The following TRHDE variants were observed in gnomAD, a reference collection of about 807,000 sequenced individuals.
TRHDE encodes thyrotropin-releasing hormone-degrading ectoenzyme.
TRHDE carries 72 observed loss-of-function variants against 125.7 expected under a neutral mutation model. The ratio of observed to expected loss-of-function variants is 0.57; its 90% CI spans 0.47 to 0.70. TRHDE has a LOEUF of 0.70. Among genes scored for constraint, TRHDE ranks in the 30% least tolerant of loss-of-function variants. The pLI is 0.00. For missense variants in TRHDE, 1,110 were observed against 1,327.1 expected (o/e 0.84, Z 2.54); for synonymous variants, 509 against 509.1 (o/e 1.00, Z 0.00).
intron 2 of TRHDE, among the ~76,000 whole-genome samples, chr12:72,328,090 A>G (rs1301607788): frequency 2.0e-5 from 3 of 152,226 alleles, no homozygotes; most frequent in Non-Finnish European, 4.4e-5. Flanking sequence ...GGTTTAAACC[A>G]TGTCAGGTCA....
At chr12:72,323,693 C>G (rs1490952912) in intron 2 of TRHDE, among the ~76,000 whole-genome samples, 2 of 152,102 alleles carry the variant, frequency 1.3e-5, no homozygotes, top group Non-Finnish European at 2.9e-5. Context: ...ATCCAATTTC[C>G]TCTTAGCAAA....
intron 3 of TRHDE, among the ~76,000 whole-genome samples, chr12:72,422,447 T>C (rs951767938): frequency 2.6e-5 from 4 of 152,226 alleles, no homozygotes; most frequent in Non-Finnish European, 5.9e-5. Context: ...TAACAATCTA[T>C]CTTTTCAATT....
chr12:72,129,414 G>A (rs1384447102), intron 2 of TRHDE, among the ~76,000 whole-genome samples: 1 of 152,168 alleles, frequency 6.6e-6, no homozygotes, highest in Non-Finnish European at 1.5e-5. Context: ...CATTCTCATA[G>A]TGATGAATGC....
At chr12:72,410,442 T>C (rs1196168167) in intron 3 of TRHDE, among the ~76,000 whole-genome samples, 10 of 152,120 alleles carry the variant, frequency 6.6e-5, no homozygotes, top group African/African-American at 2.2e-4. Flanking sequence ...ACAGCCATTA[T>C]AAAAGGTAAA....
At chr12:72,503,079 G>A (rs1162230439) in intron 6 of TRHDE, among the ~76,000 whole-genome samples, 1 of 152,096 alleles carries the variant, frequency 6.6e-6, no homozygotes, top group Non-Finnish European at 1.5e-5. Context: ...GGGTTTTGTA[G>A]GTTAAACCAC....
At chr12:72,426,454 T>A (rs1874187325) in intron 3 of TRHDE, among the ~76,000 whole-genome samples, 1 of 152,126 alleles carries the variant, frequency 6.6e-6, no homozygotes, top group Admixed American at 6.6e-5. Flanking sequence ...TAATAAATAC[T>A]TCACATTGTG....
chr12:72,479,302 C>A (rs1660777599), intron 5 of TRHDE, among the ~76,000 whole-genome samples: 1 of 151,998 alleles, frequency 6.6e-6, no homozygotes, highest in African/African-American at 2.4e-5. Flanking sequence ...AAAATCAAGA[C>A]TTTGGATTCA....
chr12:72,490,843 A>T (rs1484345278), intron 5 of TRHDE, among the ~76,000 whole-genome samples: 1 of 151,636 alleles, frequency 6.6e-6, no homozygotes, highest in East Asian at 1.9e-4. Context: ...AAAAATGGGA[A>T]GATGTAGTTA....
intron 7 of TRHDE, among the ~76,000 whole-genome samples, chr12:72,561,329 TA>T (rs1870166468): frequency 6.6e-6 from 1 of 152,198 alleles, no homozygotes; most frequent in African/African-American, 2.4e-5. Context: ...GTCTACTATA[TA>T]TATGTTGCAG....
chr12:72,549,916 C>T (rs576243093), intron 7 of TRHDE, among the ~76,000 whole-genome samples: 2 of 150,480 alleles, frequency 1.3e-5, no homozygotes, highest in Admixed American at 6.6e-5. Flanking sequence ...GGTTGTTAAC[C>T]GACCAATGTG....
At chr12:72,656,662 A>G (rs1362264909) in intron 17 of TRHDE, among the ~76,000 whole-genome samples, 2 of 152,058 alleles carry the variant, frequency 1.3e-5, no homozygotes, top group Non-Finnish European at 2.9e-5. Context: ...CCAGTTTTAG[A>G]GGGCCCCTTT....
intron 2 of TRHDE, among the ~76,000 whole-genome samples, chr12:72,298,109 G>A (rs970772441): frequency 1.3e-5 from 2 of 152,162 alleles, no homozygotes; most frequent in South Asian, 2.1e-4. Flanking sequence ...AGGTTTAAGA[G>A]TCTACATATT....
chr12:72,330,284 C>T lies in TRHDE; in HGVS notation c.1188+43330C>T, dbSNP rs1869528511. ...AAACAAAAGCAACTCTCCCCACCTC[C>T]CTACCCCCCACCTCCCAATTCTTAA... On this transcript the variant is annotated intron_variant, in intron 2 of 18. Transcript: ENST00000261180. Among the ~76,000 whole-genome samples the T allele has an allele frequency of 2.0e-5, 3 of 151,830 alleles. No homozygotes were observed. The South Asian group carries it at 6.2e-4, about 32-fold the overall frequency.
intron 3 of TRHDE, among the ~76,000 whole-genome samples, chr12:72,406,770 A>G (rs1304242602): frequency 2.6e-5 from 4 of 152,236 alleles, no homozygotes; most frequent in Admixed American, 2.0e-4. Flanking sequence ...TTTTAAAAAT[A>G]GTAAATAGTT....
chr12:72,237,305 T>A (rs1476375568), intron 2 of TRHDE, among the ~76,000 whole-genome samples: 1 of 152,194 alleles, frequency 6.6e-6, no homozygotes, highest in Non-Finnish European at 1.5e-5. Flanking sequence ...AATATTTTGG[T>A]AATATGTTTT....
intron 18 of TRHDE, among the ~76,000 whole-genome samples, 183 bp from the exon 19 acceptor site, chr12:72,662,869 G>A (rs1256498347): frequency 6.7e-6 from 1 of 149,526 alleles, no homozygotes; most frequent in South Asian, 2.1e-4. Context: ...GACATAATCT[G>A]TCATATTTCA....
intron 2 of TRHDE, among the ~76,000 whole-genome samples, chr12:72,342,403 A>G (rs1870123705): frequency 6.6e-6 from 1 of 152,108 alleles, no homozygotes; most frequent in Admixed American, 6.6e-5. Context: ...ATGGGTTTTC[A>G]AGAAGAGGGA....
chr12:72,648,222 C>A (rs1163709438), intron 15 of TRHDE, among the ~76,000 whole-genome samples: 3 of 151,862 alleles, frequency 2.0e-5, no homozygotes, highest in Non-Finnish European at 4.4e-5. Flanking sequence ...AAATTCTCAA[C>A]AAATAAGGAA....
chr12:72,151,513 G>GT (rs1222239468), intron 2 of TRHDE, among the ~76,000 whole-genome samples: 1 of 151,990 alleles, frequency 6.6e-6, no homozygotes, highest in African/African-American at 2.4e-5. Context: ...TTCTTCTAGG[G>GT]TTTTTATGGT....
Sources: allele counts gnomAD v4.1 joint callset (sites outside exome capture counted in the v4.1 genomes callset), GRCh38; gene constraint gnomAD v4.1.1; transcripts MANE v1.5; gene names NCBI Gene and HGNC (gene_info 2026-07-23, HGNC 2026-07-21).